The following CTNNA1 variants were observed in gnomAD, a reference collection of about 807,000 sequenced individuals.
The protein encoded by CTNNA1 is catenin alpha 1.
Under a neutral mutation model 98.4 loss-of-function variants are expected in CTNNA1, and 37 were observed. The observed-to-expected ratio is 0.38, with a 90% CI of 0.29 to 0.49. The LOEUF (loss-of-function observed/expected upper bound fraction) is 0.49, where lower values mean the gene tolerates loss of function less well. Ranked by LOEUF, CTNNA1 falls within the 20% of genes least tolerant of loss-of-function variation. The pLI is 0.95. For synonymous variants in CTNNA1, 404 were observed against 413.2 expected (o/e 0.98, Z 0.27); for missense variants, 761 against 1,147.2 (o/e 0.66, Z 4.86).
chr5:138,783,124 T>C (rs572163572), intron 2 of CTNNA1, 53 bp from the exon 3 acceptor site: 55 of 1,373,840 alleles, frequency 4.0e-5, no homozygotes, highest in Non-Finnish European at 5.1e-5. Context: ...TTTAAAGATA[T>C]TAGTTTGTCA....
intron 14 of CTNNA1, 121 bp downstream of exon 14, chr5:138,929,477 G>T (rs948925629): frequency 1.3e-5 from 8 of 617,912 alleles, no homozygotes; most frequent in Admixed American, 8.1e-5. Context: ...TGTCTCTCTG[G>T]CAGTAGACTG....
rs1428014049 is a variant in CTNNA1 at position 138,929,411 on chromosome 5, CCT to C, written c.2010+56_2010+57del. ...CTTGTGCTGCCGACTTTCCCTGTCC[CCT>C]TTCTTGTTTCCAGGAAAACACCCTC... On this transcript the variant is annotated intron_variant, in intron 14 of 17. Transcript: ENST00000302763. 9.2e-6 allele frequency: 8 copies of C among 871,388 alleles called. No homozygotes were observed. The East Asian group carries it at 1.9e-4, about 21-fold the overall frequency. 54.0% of individuals were successfully genotyped at this position (871,388 alleles called of 1,614,324 possible). A position where few individuals can be genotyped will look rare whatever the true frequency, so the allele number is the denominator to read the frequency against.
At position 138,865,111 on chromosome 5, in the gene CTNNA1, C is replaced by T. The variant is rs1004557232; in HGVS notation, c.1063-21101C>T. 3.9e-4 allele frequency among the ~76,000 whole-genome samples: 59 copies of T among 152,278 alleles called. 1 individual carries two copies. The highest frequency in any genetic ancestry group is 4.1e-4 in the South Asian group (2 of 4,822). ...ACAGGCGTGAGCCACCGCTCCCGGCCGGAAGATGTTTTTAATTTTAAATTG... is the reference window on the plus strand; with the variant it reads ...ACAGGCGTGAGCCACCGCTCCCGGCTGGAAGATGTTTTTAATTTTAAATTG... On this transcript the variant is annotated intron_variant, in intron 7 of 17. Transcript: ENST00000302763.
chr5:138,828,641 A>G (rs1323901254), intron 7 of CTNNA1, among the ~76,000 whole-genome samples: 3 of 152,044 alleles, frequency 2.0e-5, no homozygotes, highest in Non-Finnish European at 4.4e-5. Context: ...TTTAACACCT[A>G]AAAAAAAGAT....
rs750584026 is a variant in CTNNA1 at position 138,824,789 on chromosome 5, A to G, written c.848A>G (p.Asn283Ser). The change falls in exon 6 of 18, where the codon AAT becomes AGT. Residue 283 changes from asparagine to serine, a missense_variant. Asn to Ser is a conservative substitution (Grantham distance 46). Around this residue, in one of 6 missense-constraint regions of CTNNA1, gnomAD observed 328 missense variants for 354.3 expected, o/e 0.93. Transcript: ENST00000302763. ...GGAGGAGAACTGGCATATGCACTCA[A>G]TAACTTTGACGTAAGTTATGCTTGG... The part of the protein sequence containing the change: ...GGGGELAYAL[N>S]NFDKQIIVDP... 2 of 1,612,732 alleles carry G rather than the reference A, an allele frequency of 1.2e-6. No homozygotes were observed. Among genetic ancestry groups the G allele is most frequent in the Non-Finnish European group, 8.5e-7 (1 of 1,178,748 alleles).
Position 138,934,683 on chromosome 5 carries a change from GGACAT to G in CTNNA1, c.*595_*599del, listed in dbSNP as rs1766164924. ...ATAATTACTAATGTACGCTGCTGCA[GGACAT>G]TAATAAAGTTGCTTTTTTAGGCTAC... On this transcript the variant is annotated 3_prime_UTR_variant, in exon 18 of 18. Coordinates refer to ENST00000302763, the MANE Select transcript of CTNNA1 (RefSeq NM_001903.5). 1 of 152,788 alleles carries G rather than the reference GGACAT, an allele frequency of 6.5e-6. No individual in the cohort carries two copies. Among genetic ancestry groups the G allele is most frequent in the Non-Finnish European group, 1.5e-5 (1 of 68,170 alleles). The allele number at this position is 152,788 out of a possible 1,614,324, so 9.5% of individuals were successfully genotyped here.
intron 1 of CTNNA1, among the ~76,000 whole-genome samples, chr5:138,765,189 C>T (rs1028479603): frequency 2.0e-5 from 3 of 151,836 alleles, no homozygotes; most frequent in African/African-American, 7.3e-5. Context: ...TACAGGCACC[C>T]ACCACCACGC....
At chr5:138,897,455 G>C (rs1461548909) in intron 9 of CTNNA1, among the ~76,000 whole-genome samples, 1 of 152,080 alleles carries the variant, frequency 6.6e-6, no homozygotes, top group Admixed American at 6.6e-5. Context: ...ATGTGGTAAA[G>C]TGGCCTTGAA....
At chr5:138,755,119 A>T (rs896084240) in intron 1 of CTNNA1, 1 of 152,054 alleles carries the variant, frequency 6.6e-6, no homozygotes, top group African/African-American at 2.4e-5. Flanking sequence ...CTCACAGTGT[A>T]ATAGGGGAGA....
chr5:138,917,724 G>C lies in CTNNA1; in HGVS notation c.1390-18G>C. 1.2e-6 allele frequency: 2 copies of C among 1,612,480 alleles called. No homozygotes were observed. The highest frequency in any genetic ancestry group is 2.2e-5 in the South Asian group (2 of 90,852). On this transcript the variant is annotated intron_variant, in intron 10 of 17. Transcript: ENST00000302763. ...ACTCTGAAAAAGAGTAAACAGTGAA[G>C]TTTAATATCTTTTGCAGGTTATTAA...
At chr5:138,756,675 A>G (rs976368785) in intron 1 of CTNNA1, among the ~76,000 whole-genome samples, 11 of 152,222 alleles carry the variant, frequency 7.2e-5, no homozygotes, top group South Asian at 2.1e-4. Context: ...AAGACCTCAC[A>G]TGAGATTGCC....
At chr5:138,826,429 T>A (rs1354422999) in intron 6 of CTNNA1, among the ~76,000 whole-genome samples, 1 of 152,210 alleles carries the variant, frequency 6.6e-6, no homozygotes, top group East Asian at 1.9e-4. Context: ...CAGTAGCTGC[T>A]GTCTTGAGGA....
In CTNNA1 at chr5:138,874,502, A is replaced by G. The variant is rs550023333; in HGVS notation, c.1063-11710A>G. On this transcript the variant is annotated intron_variant, in intron 7 of 17. Coordinates refer to ENST00000302763, the MANE Select transcript of CTNNA1 (RefSeq NM_001903.5). The surrounding 1 kb of genome is among the most constrained non-coding windows in gnomAD (Gnocchi z 4.1). ...AGGCAGCATTTTTAAAACCATACTC[A>G]TTGCATATATTGCTGCCAGCATAGG... is the stretch of plus-strand genomic sequence containing the variant. The G allele has an allele frequency of 1.2e-6, 2 of 1,601,648 alleles. No homozygotes were observed. Among genetic ancestry groups the G allele is most frequent in the African/African-American group, 1.3e-5 (1 of 74,802 alleles).
At chr5:138,871,321 A>T (rs1750580345) in intron 7 of CTNNA1, 1 of 152,236 alleles carries the variant, frequency 6.6e-6, no homozygotes, top group Non-Finnish European at 1.5e-5. Flanking sequence ...TCTAAAATCA[A>T]GTTAGTGCTA....
intron 3 of CTNNA1, among the ~76,000 whole-genome samples, chr5:138,791,614 T>TAAA (rs1756372501): frequency 9.0e-4 from 4 of 4,432 alleles, no homozygotes; most frequent in Admixed American, 4.0e-3. Flanking sequence ...AGACTCCGTC[T>TAAA]CAAAAAAAAA....
intron 10 of CTNNA1, among the ~76,000 whole-genome samples, chr5:138,915,302 C>G (rs1371466230): frequency 6.6e-6 from 1 of 152,192 alleles, no homozygotes; most frequent in East Asian, 1.9e-4. Context: ...GAATAGACAT[C>G]TCTTCAAAGA....
At chr5:138,877,615 T>G (rs1231962128) in intron 7 of CTNNA1, among the ~76,000 whole-genome samples, 1 of 151,416 alleles carries the variant, frequency 6.6e-6, no homozygotes, top group African/African-American at 2.4e-5. Flanking sequence ...GCCCGGCTAA[T>G]TTTTTGTATT....
chr5:138,766,368 A>G (rs1403841900), intron 1 of CTNNA1, among the ~76,000 whole-genome samples: 1 of 151,964 alleles, frequency 6.6e-6, no homozygotes, highest in African/African-American at 2.4e-5. Context: ...GACAGGTGAT[A>G]AGGCTGACAG....
chr5:138,755,845 C>CT (rs60260246), intron 1 of CTNNA1, among the ~76,000 whole-genome samples: 956 of 58,360 alleles, frequency 0.016, 52 homozygotes, highest in Non-Finnish European at 0.022. Context: ...GGATTTCCTT[C>CT]TTTTTTTTTT....
Sources: gnomAD v4.1 joint callset for allele counts (sites outside exome capture counted in the v4.1 genomes callset) on GRCh38, gnomAD v4.1.1 for gene constraint, gnomAD v4.1.1 regional missense constraint, Gnocchi (gnomAD v3.1) non-coding constraint, MANE v1.5 for transcripts, NCBI Gene and HGNC (gene_info 2026-07-23, HGNC 2026-07-21) for gene names.